The following ATXN1 variants were observed in gnomAD, a reference collection of about 807,000 sequenced individuals.
ATXN1 encodes ataxin-1.
In ATXN1, 8 loss-of-function variants were observed where a neutral mutation model predicts 56.4. The ratio of observed to expected loss-of-function variants is 0.14; its 90% CI spans 0.08 to 0.26. The LOEUF (loss-of-function observed/expected upper bound fraction) is 0.26, where lower values mean the gene tolerates loss of function less well. Ranked by LOEUF, ATXN1 falls within the 10% of genes least tolerant of loss-of-function variation. ATXN1 has a pLI of 1.00. For synonymous variants in ATXN1, 514 were observed against 494.6 expected (o/e 1.04, Z -0.52); for missense variants, 987 against 1,106.5 (o/e 0.89, Z 1.53).
chr6:16,333,079 T>C (rs1761028061), intron 6 of ATXN1, among the ~76,000 whole-genome samples: 1 of 152,240 alleles, frequency 6.6e-6, no homozygotes, highest in Non-Finnish European at 1.5e-5. Context: ...CTAGGTGTTG[T>C]ACGTAAACAC....
rs1758926547 is a variant in ATXN1 at position 16,686,707 on chromosome 6, T to G, written c.-614-28806A>C. On this transcript the variant is annotated intron_variant, in intron 2 of 7. Coordinates refer to ENST00000436367, the MANE Select transcript of ATXN1 (RefSeq NM_001128164.2). Reference sequence around the variant, plus strand: ...ACCGTAAGAGCATTTCAAGGCAAGATCTTTTAAAGTCCTACAAATATTTAA... The same window carrying G: ...ACCGTAAGAGCATTTCAAGGCAAGAGCTTTTAAAGTCCTACAAATATTTAA... Among the ~76,000 whole-genome samples, 4 of 152,220 alleles carry G rather than the reference T, an allele frequency of 2.6e-5. No individual in the cohort carries two copies. In the South Asian group the frequency reaches 8.3e-4, roughly 31 times the overall value.
At chr6:16,391,044 C>T (rs1378656357) in intron 6 of ATXN1, among the ~76,000 whole-genome samples, 2 of 151,566 alleles carry the variant, frequency 1.3e-5, no homozygotes, top group Admixed American at 1.3e-4. Flanking sequence ...CGTCTGTAAT[C>T]CCAGCTAATC....
At chr6:16,415,276 C>G (rs1373226476) in intron 6 of ATXN1, among the ~76,000 whole-genome samples, 3 of 152,208 alleles carry the variant, frequency 2.0e-5, no homozygotes, top group Non-Finnish European at 4.4e-5. Flanking sequence ...GTCGCCCAGA[C>G]TGGAGTGAAA....
chr6:16,471,083 T>C (rs1281737088), intron 6 of ATXN1, among the ~76,000 whole-genome samples: 2 of 152,184 alleles, frequency 1.3e-5, no homozygotes, highest in East Asian at 3.9e-4. Context: ...GCGCCTACTT[T>C]GAAATTTCCC....
At chr6:16,650,815 G>C (rs1445943508) in intron 3 of ATXN1, among the ~76,000 whole-genome samples, 1 of 152,128 alleles carries the variant, frequency 6.6e-6, no homozygotes, top group Non-Finnish European at 1.5e-5. Flanking sequence ...TCTGTTTTCT[G>C]TCCGTCGTTT....
intron 6 of ATXN1, among the ~76,000 whole-genome samples, chr6:16,338,579 G>A (rs534239429): frequency 7.6e-4 from 116 of 152,302 alleles, no homozygotes; most frequent in African/African-American, 2.6e-3. Flanking sequence ...GTGTAAAGTT[G>A]TAATCTCTGC....
chr6:16,338,715 T>C (rs1761179894), intron 6 of ATXN1, among the ~76,000 whole-genome samples: 1 of 152,174 alleles, frequency 6.6e-6, no homozygotes, highest in Non-Finnish European at 1.5e-5. Flanking sequence ...CCCACACTTA[T>C]CTGTTGCTCA....
chr6:16,673,973 C>T (rs1204843635), intron 2 of ATXN1, among the ~76,000 whole-genome samples: 1 of 152,194 alleles, frequency 6.6e-6, no homozygotes, highest in African/African-American at 2.4e-5. Context: ...CACTGGTTGA[C>T]AGCATGTGGC....
At chr6:16,717,651 GCGGATTAACA>G (rs1759665965) in intron 2 of ATXN1, among the ~76,000 whole-genome samples, 1 of 152,180 alleles carries the variant, frequency 6.6e-6, no homozygotes, top group African/African-American at 2.4e-5. Context: ...GGTTTCCACT[GCGGATTAACA>G]TTCTGGCATA....
chr6:16,415,613 G>A (rs943315716), intron 6 of ATXN1, among the ~76,000 whole-genome samples: 4 of 152,234 alleles, frequency 2.6e-5, no homozygotes, highest in Non-Finnish European at 5.9e-5. Flanking sequence ...CAGAGCAGAA[G>A]TAGCAGAGAA....
intron 6 of ATXN1, among the ~76,000 whole-genome samples, chr6:16,367,010 T>C (rs1761935090): frequency 6.6e-6 from 1 of 152,230 alleles, no homozygotes; most frequent in Non-Finnish European, 1.5e-5. Context: ...TGGAGATCTG[T>C]AGCTTTTAGT....
chr6:16,731,508 TG>T (rs1211097717), intron 2 of ATXN1, among the ~76,000 whole-genome samples: 1 of 146,004 alleles, frequency 6.8e-6, no homozygotes, highest in Non-Finnish European at 1.5e-5. Flanking sequence ...TCATTCCTCT[TG>T]CTTTCAGGAG....
intron 2 of ATXN1, among the ~76,000 whole-genome samples, chr6:16,684,773 C>T (rs1366444899): frequency 6.6e-6 from 1 of 151,960 alleles, no homozygotes; most frequent in African/African-American, 2.4e-5. Context: ...AATTCAATTT[C>T]CTTGAATGTA....
intron 2 of ATXN1, among the ~76,000 whole-genome samples, chr6:16,664,011 G>C (rs1758376973): frequency 6.6e-6 from 1 of 152,158 alleles, no homozygotes; most frequent in Non-Finnish European, 1.5e-5. Context: ...TTTTATTAAA[G>C]GCATGTGATG....
chr6:16,724,990 C>T (rs2113475254), intron 2 of ATXN1, among the ~76,000 whole-genome samples: 1 of 152,108 alleles, frequency 6.6e-6, no homozygotes. Flanking sequence ...CATGAGTTTC[C>T]CAGAGAAACA....
chr6:16,569,226 A>G (rs1283526442), intron 4 of ATXN1, among the ~76,000 whole-genome samples: 1 of 152,156 alleles, frequency 6.6e-6, no homozygotes, highest in Non-Finnish European at 1.5e-5. Flanking sequence ...TAAAAGATGA[A>G]GAGTCCTGGC....
At position 16,489,234 on chromosome 6, in the gene ATXN1, AT is replaced by A. The variant is rs148814604; in HGVS notation, c.-298-3126del. On this transcript the variant is annotated intron_variant, in intron 5 of 7. Coordinates refer to ENST00000436367, the MANE Select transcript of ATXN1 (RefSeq NM_001128164.2). ...AACAGCATCTAGTGGAAGAGCCTGG[AT>A]TTAACTTAAATGATCCATATCCAAA... Among the ~76,000 whole-genome samples the A allele has an allele frequency of 2.7e-3, 408 of 152,280 alleles. 3 individuals are homozygous for A. Among genetic ancestry groups the A allele is most frequent in the Non-Finnish European group, 4.0e-3 (274 of 68,014 alleles).
At chr6:16,402,407 A>G (rs1035777797) in intron 6 of ATXN1, among the ~76,000 whole-genome samples, 1 of 150,468 alleles carries the variant, frequency 6.6e-6, no homozygotes. Flanking sequence ...GACAATGTGC[A>G]TAGGCCAGAG....
At chr6:16,541,074 A>G (rs966738879) in intron 4 of ATXN1, among the ~76,000 whole-genome samples, 2 of 152,234 alleles carry the variant, frequency 1.3e-5, no homozygotes, top group Non-Finnish European at 2.9e-5. Flanking sequence ...CCTTTCTAAG[A>G]AAACTATTTT....
Sources: allele counts gnomAD v4.1 joint callset (sites outside exome capture counted in the v4.1 genomes callset), GRCh38; gene constraint gnomAD v4.1.1; transcripts MANE v1.5; gene names NCBI Gene and HGNC (gene_info 2026-07-23, HGNC 2026-07-21).